PPIL1: variants seen among roughly 807,000 people sequenced by gnomAD.
The protein encoded by PPIL1 is peptidylprolyl isomerase like 1, also known as peptidyl-prolyl cis-trans isomerase-like 1.
PPIL1 carries 14 observed loss-of-function variants against 19.4 expected under a neutral mutation model. The observed-to-expected ratio is 0.72, with a 90% CI of 0.48 to 1.13. The LOEUF is 1.13. Ranked by LOEUF, PPIL1 falls within the 50% of genes most tolerant of loss-of-function variation. The pLI is 0.00. For synonymous variants in PPIL1, 72 were observed against 73.6 expected, an observed-to-expected ratio of 0.98 and a Z score of 0.11; for missense variants, 192 against 218.0, an observed-to-expected ratio of 0.88 and a Z score of 0.75.
intron 2 of PPIL1, among the ~76,000 whole-genome samples, chr6:36,863,992 A>AC (rs1390852572): frequency 1.3e-5 from 2 of 151,264 alleles, no homozygotes; most frequent in Admixed American, 1.3e-4. Context: ...TGGTTCCCTG[A>AC]CCCTTTATCT....
At chr6:36,864,859 C>T (rs1006453421) in intron 2 of PPIL1, among the ~76,000 whole-genome samples, 1 of 152,132 alleles carries the variant, frequency 6.6e-6, no homozygotes, top group African/African-American at 2.4e-5. Context: ...TTTCATTCTC[C>T]GTCTCTCACC....
chr6:36,871,621 T>C, intron 2 of PPIL1, 97 bp downstream of exon 2: 1 of 1,440,452 alleles, frequency 6.9e-7, no homozygotes, highest in Non-Finnish European at 9.4e-7. Context: ...ATCACCTATT[T>C]ACGACAGAGA....
intron 2 of PPIL1, among the ~76,000 whole-genome samples, chr6:36,861,783 G>A (rs977147793): frequency 6.7e-6 from 1 of 148,472 alleles, no homozygotes; most frequent in African/African-American, 2.5e-5. Context: ...CGCAACCTCC[G>A]CCTCCCAGGT....
chr6:36,855,625 C>T lies in PPIL1; in HGVS notation c.*188G>A. On this transcript the variant is annotated 3_prime_UTR_variant, in exon 4 of 4. Transcript: ENST00000373699. ...TGCAAATGCTCTGGCAACCTAGGCA[C>T]TGGGGGAAGAGAAAAGAAGCATCCT... 1.6e-6 allele frequency: 1 copy of T among 620,872 alleles called. No homozygotes were observed. The highest frequency in any genetic ancestry group is 2.8e-5 in the East Asian group (1 of 35,660). The allele number at this position is 620,872 out of a possible 1,614,324, so 38.5% of individuals were successfully genotyped here.
intron 2 of PPIL1, among the ~76,000 whole-genome samples, chr6:36,866,072 C>T (rs1366190158): frequency 6.6e-6 from 1 of 152,000 alleles, no homozygotes; most frequent in Non-Finnish European, 1.5e-5. Flanking sequence ...GCAGGAAGAG[C>T]TAAAGGAAGA....
intron 2 of PPIL1, 43 bp downstream of exon 2, chr6:36,871,675 G>GAA: frequency 1.2e-5 from 16 of 1,379,914 alleles, no homozygotes; most frequent in Admixed American, 9.6e-5. Flanking sequence ...ACGAAAAGGA[G>GAA]AAAAAAAAAA....
intron 2 of PPIL1, among the ~76,000 whole-genome samples, chr6:36,857,564 C>T (rs1774193468): frequency 6.6e-6 from 1 of 152,098 alleles, no homozygotes; most frequent in Non-Finnish European, 1.5e-5. Flanking sequence ...AATCCTCCCT[C>T]CTTGGCTTCC....
At position 36,871,775 on chromosome 6, in the gene PPIL1, T is replaced by C. The variant is rs772332623; in HGVS notation, c.154A>G (p.Lys52Glu). ...LARRGYYNGT[K>E]FHRIIKDFMI... ...AAGTCTTTGATAATTCTGTGGAATT[T>C]TGTGCCATTGTAGTAACCTCGACGA... is the stretch of plus-strand genomic sequence containing the variant. The change falls in exon 2 of 4, where the codon AAA becomes GAA. Residue 52 changes from lysine to glutamate, a missense_variant. Lys to Glu is a moderately conservative substitution (Grantham distance 56). Transcript: ENST00000373699. The C allele has an allele frequency of 8.1e-6, 13 of 1,611,462 alleles. No homozygotes were observed. The highest frequency in any genetic ancestry group is 1.6e-4 in the Middle Eastern group (1 of 6,078).
At chr6:36,860,831 C>A (rs1381085390) in intron 2 of PPIL1, among the ~76,000 whole-genome samples, 2 of 148,440 alleles carry the variant, frequency 1.3e-5, no homozygotes, top group African/African-American at 5.0e-5. Flanking sequence ...CATCTATGTA[C>A]CCCTAAAAAA....
Position 36,874,054 on chromosome 6 carries a change from C to G in PPIL1, c.56+663G>C, listed in dbSNP as rs17552005. On this transcript the variant is annotated intron_variant, in intron 1 of 3. Transcript: ENST00000373699. The stretch of plus-strand genomic sequence containing the variant: ...TGAGACGAGCACACCAGGCTCCAAA[C>G]GAGGTTCTTCCAGTTACTAGCTGTG... Among the ~76,000 whole-genome samples, 19 of 152,268 alleles carry G rather than the reference C, an allele frequency of 1.2e-4. No homozygotes were observed. In the East Asian group the frequency reaches 2.1e-3, roughly 17 times the overall value.
At chr6:36,869,389 T>A (rs1774462317) in intron 2 of PPIL1, among the ~76,000 whole-genome samples, 1 of 152,236 alleles carries the variant, frequency 6.6e-6, no homozygotes, top group South Asian at 2.1e-4. Context: ...TGGTGGGGAC[T>A]CTGTGAAGTC....
At chr6:36,856,683 C>T (rs767266518) in intron 2 of PPIL1, 29 bp from the exon 3 acceptor site, 1 of 1,594,234 alleles carries the variant, frequency 6.3e-7, no homozygotes, top group Non-Finnish European at 8.6e-7. Flanking sequence ...ACACATGAAT[C>T]AGCCAGTCAC....
intron 1 of PPIL1, among the ~76,000 whole-genome samples, chr6:36,873,636 A>G (rs556122656): frequency 6.6e-6 from 1 of 152,346 alleles, no homozygotes; most frequent in Admixed American, 6.5e-5. Flanking sequence ...AGGAGAATTC[A>G]GAAATTACAG....
In PPIL1 at chr6:36,855,524, G is replaced by C. The variant is rs1024996090; in HGVS notation, c.*289C>G. ...CTGCTACATTGTTCGACGTATATCA[G>C]AGCAGACATGCACAAGAAGCAGCAT... On this transcript the variant is annotated 3_prime_UTR_variant, in exon 4 of 4. Transcript: ENST00000373699. The C allele has an allele frequency of 1.9e-5, 8 of 416,784 alleles. No individual in the cohort carries two copies. The East Asian group carries it at 3.6e-4, about 19-fold the overall frequency. The allele number at this position is 416,784 out of a possible 1,614,324, so 25.8% of individuals were successfully genotyped here.
In PPIL1 at chr6:36,871,876, C is replaced by T. The variant is rs1034440795; in HGVS notation, c.57-4G>A. 6.4e-7 allele frequency: 1 copy of T among 1,574,414 alleles called. No homozygotes were observed. The highest frequency in any genetic ancestry group is 1.4e-5 in the African/African-American group (1 of 72,062). On this transcript the variant is annotated splice_region_variant and splice_polypyrimidine_tract_variant and intron_variant, in intron 1 of 3. Transcript: ENST00000373699. ...CTCCAGCACAATGATTCCCATGCTGCAGAGGGAGAGGACAACAGCTCCAGT... is the reference window on the plus strand; with the variant it reads ...CTCCAGCACAATGATTCCCATGCTGTAGAGGGAGAGGACAACAGCTCCAGT...
At chr6:36,859,429 A>G (rs78415347) in intron 2 of PPIL1, among the ~76,000 whole-genome samples, 1 of 150,514 alleles carries the variant, frequency 6.6e-6, no homozygotes, top group Admixed American at 6.6e-5. Flanking sequence ...TGTCTCAAAA[A>G]AAAAAAAAAA....
chr6:36,870,446 A>G (rs1395086323), intron 2 of PPIL1, among the ~76,000 whole-genome samples: 1 of 152,076 alleles, frequency 6.6e-6, no homozygotes, highest in East Asian at 1.9e-4. Context: ...TTCTACATTC[A>G]TGGGTTCAAC....
At chr6:36,861,767 G>T (rs1774295236) in intron 2 of PPIL1, among the ~76,000 whole-genome samples, 1 of 150,674 alleles carries the variant, frequency 6.6e-6, no homozygotes, top group South Asian at 2.1e-4. Flanking sequence ...TGCCATCTTG[G>T]CTCACCGCAA....
intron 1 of PPIL1, among the ~76,000 whole-genome samples, chr6:36,874,389 A>ACCT (rs923964368): frequency 6.6e-6 from 1 of 152,048 alleles, no homozygotes; most frequent in African/African-American, 2.4e-5. Flanking sequence ...TGTTTTATCT[A>ACCT]CCTCTGTATC....
Sources: allele counts gnomAD v4.1 joint callset (sites outside exome capture counted in the v4.1 genomes callset), GRCh38; gene constraint gnomAD v4.1.1; transcripts MANE v1.5; gene names NCBI Gene and HGNC (gene_info 2026-07-23, HGNC 2026-07-21).